The following QSOX1 variants were observed in gnomAD, a reference collection of about 807,000 sequenced individuals.
The protein encoded by QSOX1 is quiescin sulfhydryl oxidase 1.
QSOX1 carries 40 observed loss-of-function variants against 76.1 expected under a neutral mutation model. The observed-to-expected ratio is 0.53, with a 90% CI of 0.41 to 0.68. The LOEUF is 0.68. QSOX1 is among the 30% of genes least tolerant of loss of function. The pLI, the probability that QSOX1 is intolerant of heterozygous loss-of-function variation, is 0.00. For missense variants in QSOX1, 931 were observed against 974.3 expected, an observed-to-expected ratio of 0.96 and a Z score of 0.59; for synonymous variants, 392 against 413.1, an observed-to-expected ratio of 0.95 and a Z score of 0.62.
chr1:180,195,418 A>G (rs1331965117), intron 11 of QSOX1, among the ~76,000 whole-genome samples: 2 of 152,192 alleles, frequency 1.3e-5, no homozygotes, highest in Non-Finnish European at 2.9e-5. Flanking sequence ...TCTGACTTGC[A>G]TGCCACTTGC....
At position 180,197,787 on chromosome 1, in the gene QSOX1, C is replaced by G. The variant is rs181624042; in HGVS notation, c.*750C>G. The G allele has an allele frequency of 1.1e-5, 3 of 263,326 alleles. No individual in the cohort carries two copies. The highest frequency in any genetic ancestry group is 1.3e-3 in the Middle Eastern group (1 of 752). 16.3% of individuals were successfully genotyped at this position (263,326 alleles called of 1,614,324 possible). On this transcript the variant is annotated 3_prime_UTR_variant, in exon 12 of 12. Coordinates refer to ENST00000367602, the MANE Select transcript of QSOX1 (RefSeq NM_002826.5). ...AGAAGATGGCTGCTTTCACTTCCCC[C>G]CATTGAGCTCTGCTCCCTCTGAGCC...
intron 1 of QSOX1, among the ~76,000 whole-genome samples, chr1:180,155,577 C>A (rs566356295): frequency 1.3e-5 from 2 of 152,338 alleles, no homozygotes; most frequent in South Asian, 4.1e-4. Context: ...GGACCCATGT[C>A]ATCTTCCTGC....
At position 180,198,771 on chromosome 1, in the gene QSOX1, C is replaced by A. The variant is rs1401245663; in HGVS notation, c.*1734C>A. ...CCCTGCTCCCTTGGGCTGGCCCTGG[C>A]TGGGGGCCTGAGAGACAGACAGGAA... On this transcript the variant is annotated 3_prime_UTR_variant, in exon 12 of 12. Transcript: ENST00000367602. The A allele has an allele frequency of 8.3e-6, 2 of 239,714 alleles. No homozygotes were observed. The highest frequency in any genetic ancestry group is 1.7e-5 in the Non-Finnish European group (2 of 118,326). 14.8% of individuals were successfully genotyped at this position (239,714 alleles called of 1,614,324 possible).
At position 180,190,459 on chromosome 1, in the gene QSOX1, C is replaced by A; in HGVS notation, c.1167C>A (p.Asn389Lys). ...KEGAVLAKKV[N>K]WIGCQGSEPH... ...GTGCCGTTCTTGCCAAGAAGGTGAA[C>A]TGGATTGGCTGCCAGGGGAGTGAGC... Residue 389 changes from asparagine to lysine, a missense_variant, in exon 10 of 12, where the codon AAC becomes AAA. Physicochemically the swap from Asn to Lys is moderately conservative, Grantham distance 94 (BLOSUM62 0). Coordinates refer to ENST00000367602, the MANE Select transcript of QSOX1 (RefSeq NM_002826.5). The A allele has an allele frequency of 1.2e-6, 2 of 1,613,962 alleles. No individual in the cohort carries two copies. Among genetic ancestry groups the A allele is most frequent in the Non-Finnish European group, 1.7e-6 (2 of 1,179,794 alleles).
At chr1:180,167,029 G>T (rs539402841) in intron 2 of QSOX1, among the ~76,000 whole-genome samples, 1 of 152,344 alleles carries the variant, frequency 6.6e-6, no homozygotes, top group South Asian at 2.1e-4. Flanking sequence ...TCCCCGGCAC[G>T]GGAGTTATCA....
intron 2 of QSOX1, among the ~76,000 whole-genome samples, chr1:180,172,188 G>A (rs1208063807): frequency 6.6e-6 from 1 of 152,126 alleles, no homozygotes; most frequent in Non-Finnish European, 1.5e-5. Context: ...TTTTTTAAGG[G>A]TTAGACTAGA....
At chr1:180,163,132 T>TC (rs1018622804) in intron 1 of QSOX1, among the ~76,000 whole-genome samples, 5 of 141,426 alleles carry the variant, frequency 3.5e-5, no homozygotes, top group African/African-American at 1.3e-4. Context: ...TTAAGGCTCA[T>TC]CAAAAAAAAA....
At chr1:180,175,278 G>A (rs916558484) in intron 2 of QSOX1, 43 bp from the exon 3 acceptor site, 3 of 1,604,520 alleles carry the variant, frequency 1.9e-6, no homozygotes, top group Admixed American at 3.3e-5. Flanking sequence ...TGCACTCTTG[G>A]CCACTATCTA....
At chr1:180,195,813 T>C (rs1344829211) in intron 11 of QSOX1, among the ~76,000 whole-genome samples, 1 of 152,260 alleles carries the variant, frequency 6.6e-6, no homozygotes, top group Admixed American at 6.5e-5. Flanking sequence ...GCAGTTTGTA[T>C]AATTTGGAAA....
At position 180,184,119 on chromosome 1, in the gene QSOX1, C is replaced by T. The variant is rs77315910; in HGVS notation, c.887+69C>T. The T allele has an allele frequency of 3.1e-3, 4,754 of 1,541,830 alleles. 125 individuals carry two copies. The African/African-American group carries it at 0.055, about 18-fold the overall frequency. On this transcript the variant is annotated intron_variant, in intron 7 of 11. Transcript: ENST00000367602. ...ATCACAGACCACCACACCTTCACAC[C>T]CACGCCCTCTTGCTCATTCTTCTTC...
In QSOX1 at chr1:180,155,012, C is replaced by T. The variant is rs996968588; in HGVS notation, c.105C>T (p.Leu35=). 4 of 1,513,124 alleles carry T rather than the reference C, an allele frequency of 2.6e-6. No individual in the cohort carries two copies. The highest frequency in any genetic ancestry group is 3.5e-6 in the Non-Finnish European group (4 of 1,138,104). 93.7% of individuals were successfully genotyped at this position (1,513,124 alleles called of 1,614,324 possible). ...PGANAAPRSA[L]YSPSDPLTLL... ...CTAACGCGGCCCCGCGGTCGGCGCT[C>T]TATTCGCCTTCCGACCCGCTGACGC... Residue 35 remains leucine, a synonymous_variant, in exon 1 of 12, where the codon CTC becomes CTT. Coordinates refer to ENST00000367602, the MANE Select transcript of QSOX1 (RefSeq NM_002826.5).
chr1:180,170,987 G>A (rs948859493), intron 2 of QSOX1, among the ~76,000 whole-genome samples: 4 of 152,200 alleles, frequency 2.6e-5, no homozygotes, highest in Non-Finnish European at 4.4e-5. Flanking sequence ...TGTGAGGTGA[G>A]TTTGGGTTTG....
chr1:180,183,912 A>C lies in QSOX1; in HGVS notation c.753-4A>C, dbSNP rs767077669. 2 of 1,612,696 alleles carry C rather than the reference A, an allele frequency of 1.2e-6. No homozygotes were observed. Among genetic ancestry groups the C allele is most frequent in the South Asian group, 2.2e-5 (2 of 90,938 alleles). On this transcript the variant is annotated splice_region_variant and splice_polypyrimidine_tract_variant and intron_variant, in intron 6 of 11. Transcript: ENST00000367602. ...CTCTCCTCCCTGGTTCTGTGCCCTCACAGGCTCATGGAATCCAGGTCCTTC... is the reference window on the plus strand; with the variant it reads ...CTCTCCTCCCTGGTTCTGTGCCCTCCCAGGCTCATGGAATCCAGGTCCTTC...
intron 1 of QSOX1, among the ~76,000 whole-genome samples, chr1:180,163,202 A>T (rs1361460057): frequency 1.3e-5 from 2 of 151,712 alleles, no homozygotes; most frequent in Non-Finnish European, 1.5e-5. Flanking sequence ...TTCTCTTCAC[A>T]ACTTCCTTGT....
chr1:180,156,907 C>T (rs1662386586), intron 1 of QSOX1, among the ~76,000 whole-genome samples: 1 of 152,188 alleles, frequency 6.6e-6, no homozygotes, highest in African/African-American at 2.4e-5. Context: ...TGTTCAGTGG[C>T]TGCAGATGGA....
intron 2 of QSOX1, among the ~76,000 whole-genome samples, chr1:180,167,845 C>T (rs143552143): frequency 9.2e-5 from 14 of 152,282 alleles, no homozygotes; most frequent in South Asian, 2.1e-4. Flanking sequence ...CTATCTTTGG[C>T]CCTAAGGTGT....
chr1:180,155,048 G>T lies in QSOX1; in HGVS notation c.141G>T (p.Ala47=), dbSNP rs963648467. 3 of 1,512,968 alleles carry T rather than the reference G, an allele frequency of 2.0e-6. No individual in the cohort carries two copies. The African/African-American group carries it at 4.3e-5, about 22-fold the overall frequency. The allele number at this position is 1,512,968 out of a possible 1,614,324, so 93.7% of individuals were successfully genotyped here. The change falls in exon 1 of 12, where the codon GCG becomes GCT. Residue 47 remains alanine (A), a synonymous_variant. Coordinates refer to ENST00000367602, the MANE Select transcript of QSOX1 (RefSeq NM_002826.5). The part of the protein sequence containing the change: ...SPSDPLTLLQ[A]DTVRGAVLGS... ...CCGACCCGCTGACGCTGCTGCAGGC[G>T]GACACGGTGCGCGGCGCGGTGCTGG...
rs1217584779 is a variant in QSOX1, at chr1:180,202,919, A to ATAT, written c.*5885_*5887dup. On this transcript the variant is annotated 3_prime_UTR_variant, in exon 12 of 12. Transcript: ENST00000367602. Reference sequence around the variant, plus strand: ...TGGTGAAACCCCCATCTCTACTAAAATATTACACAGGCATTGTGGCACACA... The same window carrying ATAT: ...TGGTGAAACCCCCATCTCTACTAAAATATTATTACACAGGCATTGTGGCACACA... The ATAT allele has an allele frequency of 1.3e-5, 2 of 152,004 alleles. No individual in the cohort carries two copies. Among genetic ancestry groups the ATAT allele is most frequent in the African/African-American group, 2.4e-5 (1 of 41,376 alleles). The allele number at this position is 152,004 out of a possible 1,614,324, so 9.4% of individuals were successfully genotyped here. A position where few individuals can be genotyped will look rare whatever the true frequency, so the allele number is the denominator to read the frequency against.
intron 1 of QSOX1, among the ~76,000 whole-genome samples, chr1:180,164,211 T>C (rs796992489): frequency 1.1e-4 from 16 of 152,330 alleles, no homozygotes; most frequent in African/African-American, 1.7e-4. Context: ...AGCCAAAGGA[T>C]GCACCCCAGC....
Sources: allele counts gnomAD v4.1 joint callset (sites outside exome capture counted in the v4.1 genomes callset), GRCh38; gene constraint gnomAD v4.1.1; transcripts MANE v1.5; gene names NCBI Gene and HGNC (gene_info 2026-07-23, HGNC 2026-07-21).